The following ADGRE5 variants were observed in gnomAD, a reference collection of about 807,000 sequenced individuals.
ADGRE5 encodes CD97 molecule.
ADGRE5 carries 72 observed loss-of-function variants against 100.3 expected under a neutral mutation model. That is an observed-to-expected ratio of 0.72 (90% CI 0.59 to 0.87). The LOEUF is 0.87. ADGRE5 is among the 40% of genes least tolerant of loss of function. The pLI is 0.00. For missense variants in ADGRE5, 959 were observed against 1,094.7 expected (o/e 0.88, Z 1.75); for synonymous variants, 439 against 447.8 (o/e 0.98, Z 0.25).
intron 4 of ADGRE5, among the ~76,000 whole-genome samples, chr19:14,394,216 A>G (rs1225928373): frequency 6.6e-6 from 1 of 152,162 alleles, no homozygotes; most frequent in African/African-American, 2.4e-5. Flanking sequence ...ACGGACATCA[A>G]AGCAGGTGAT....
intron 13 of ADGRE5, 129 bp downstream of exon 13, chr19:14,404,691 G>T: frequency 1.2e-6 from 1 of 840,506 alleles, no homozygotes; most frequent in Non-Finnish European, 1.8e-6. Flanking sequence ...CAGCCCAGGT[G>T]TCCCCACGTC....
chr19:14,396,628 G>A (rs1323760066), intron 5 of ADGRE5, among the ~76,000 whole-genome samples, 155 bp downstream of exon 5: 1 of 152,246 alleles, frequency 6.6e-6, no homozygotes, highest in African/African-American at 2.4e-5. Flanking sequence ...CACCTCCCAG[G>A]AAGGTCCTGC....
chr19:14,407,388 G>A lies in ADGRE5; in HGVS notation c.2376+159G>A, dbSNP rs189885418. ...AATTCAAAGATAGCCAGGGTGAGGC[G>A]CCTGTAATCCCAACAGTTTGGGAGG... On this transcript the variant is annotated intron_variant, in intron 18 of 19. Transcript: ENST00000242786. 1.5e-3 allele frequency among the ~76,000 whole-genome samples: 230 copies of A among 152,226 alleles called. 1 individual carries two copies. The highest frequency in any genetic ancestry group is 2.7e-3 in the Non-Finnish European group (185 of 68,014).
intron 1 of ADGRE5, among the ~76,000 whole-genome samples, chr19:14,387,183 A>T (rs780210410): frequency 2.0e-5 from 3 of 152,120 alleles, no homozygotes; most frequent in Non-Finnish European, 4.4e-5. Context: ...AGAGAGGCCC[A>T]CTGTCTGGGA....
intron 1 of ADGRE5, among the ~76,000 whole-genome samples, chr19:14,386,790 G>A (rs1458160431): frequency 6.6e-6 from 1 of 151,542 alleles, no homozygotes; most frequent in East Asian, 1.9e-4. Context: ...AAGGCGGGAG[G>A]ATCACTTGAG....
chr19:14,407,268 C>T (rs749306646), intron 18 of ADGRE5, 39 bp downstream of exon 18: 90 of 1,610,050 alleles, frequency 5.6e-5, no homozygotes, highest in Non-Finnish European at 6.7e-5. Flanking sequence ...CTGTCATCCT[C>T]CCACCTATTT....
intron 9 of ADGRE5, 115 bp downstream of exon 9, chr19:14,398,254 T>C: frequency 1.2e-6 from 1 of 867,216 alleles, no homozygotes; most frequent in Non-Finnish European, 1.9e-6. Flanking sequence ...GAGACACACA[T>C]GCGCATAACA....
At chr19:14,389,143 C>CTGGGAG in intron 3 of ADGRE5, among the ~76,000 whole-genome samples, 1 of 61,922 alleles carries the variant, frequency 1.6e-5, no homozygotes, top group East Asian at 7.5e-4. Flanking sequence ...GATCGTGTCT[C>CTGGGAG]AGGGAGAGGG....
chr19:14,393,605 A>T (rs1975675953), intron 4 of ADGRE5, among the ~76,000 whole-genome samples: 1 of 152,170 alleles, frequency 6.6e-6, no homozygotes, highest in Non-Finnish European at 1.5e-5. Flanking sequence ...GGAGGTGATG[A>T]GACTCAAGAC....
At chr19:14,389,802 C>T (rs891043443) in intron 3 of ADGRE5, among the ~76,000 whole-genome samples, 12 of 150,294 alleles carry the variant, frequency 8.0e-5, no homozygotes, top group South Asian at 4.2e-4. Flanking sequence ...GGCATGGTGG[C>T]TTACGCCTGT....
intron 18 of ADGRE5, among the ~76,000 whole-genome samples, chr19:14,407,697 G>T (rs887053958): frequency 2.6e-5 from 4 of 151,946 alleles, no homozygotes; most frequent in African/African-American, 9.7e-5. Flanking sequence ...CAGGAGGCTG[G>T]GGCAAGAGGA....
chr19:14,388,930 A>G (rs1175691121), intron 3 of ADGRE5, 112 bp downstream of exon 3: 5 of 1,019,414 alleles, frequency 4.9e-6, no homozygotes, highest in African/African-American at 1.6e-5. Flanking sequence ...CCAGACTATC[A>G]TCATGGCCAG....
In ADGRE5 at chr19:14,408,139, C is replaced by T. The variant is rs141162124; in HGVS notation, c.*18C>T. On this transcript the variant is annotated 3_prime_UTR_variant, in exon 20 of 20. Coordinates refer to ENST00000242786, the MANE Select transcript of ADGRE5 (RefSeq NM_078481.4). Reference sequence around the variant, plus strand: ...GCATATGAAGGCGCATGGTTCTGGACGGCCCAGCAGCTCCTGTGGCCACAG... The same window carrying T: ...GCATATGAAGGCGCATGGTTCTGGATGGCCCAGCAGCTCCTGTGGCCACAG... 1,097 of 1,612,116 alleles carry T rather than the reference C, an allele frequency of 6.8e-4. 1 individual carries two copies. The highest frequency in any genetic ancestry group is 3.0e-3 in the African/African-American group (224 of 75,000).
chr19:14,381,553 C>T lies in ADGRE5; in HGVS notation c.22+8C>T, dbSNP rs1975155418. On this transcript the variant is annotated splice_region_variant and intron_variant, in intron 1 of 19. Coordinates refer to ENST00000242786, the MANE Select transcript of ADGRE5 (RefSeq NM_078481.4). ...GAGGCCGCGTCTTTCTCGGTAAGTA[C>T]TTTGGGGCCCCGCTGGGAGGGGCGA... 1.9e-6 allele frequency: 3 copies of T among 1,601,988 alleles called. No individual in the cohort carries two copies. Among genetic ancestry groups the T allele is most frequent in the Non-Finnish European group, 2.5e-6 (3 of 1,176,812 alleles).
In ADGRE5 at chr19:14,401,099, G is replaced by A. The variant is rs1975989813; in HGVS notation, c.898-287G>A. On this transcript the variant is annotated intron_variant, in intron 9 of 19. Transcript: ENST00000242786. The surrounding 1 kb of genome is among the most constrained non-coding windows in gnomAD (Gnocchi z 4.1). ...ATTATGCCACTGCACTCAAGCCTGG[G>A]CAACAGACTGAGACCCTGTCTCAAA... 6.6e-6 allele frequency among the ~76,000 whole-genome samples: 1 copy of A among 152,140 alleles called. No individual in the cohort carries two copies. Among genetic ancestry groups the A allele is most frequent in the South Asian group, 2.1e-4 (1 of 4,830 alleles).
At position 14,397,096 on chromosome 19, in the gene ADGRE5, C is replaced by A. The variant is rs771227562; in HGVS notation, c.498C>A (p.Ser166=). 6.2e-7 allele frequency: 1 copy of A among 1,614,008 alleles called. No homozygotes were observed. The highest frequency in any genetic ancestry group is 1.1e-5 in the South Asian group (1 of 91,056). ...CCTCAGATGTGAATGAATGCACCTC[C>A]GGACAAAACCCGTGCCACAGCTCCA... is the stretch of plus-strand genomic sequence containing the variant. ...KVCTDVNECT[S]GQNPCHSSTH... Residue 166 remains serine, a synonymous_variant, in exon 6 of 20, where the codon TCC becomes TCA. Transcript: ENST00000242786.
rs146163766 is a variant in ADGRE5 at position 14,405,227 on chromosome 19, C to T, written c.1630-521C>T. 1,133 of 153,970 alleles carry T rather than the reference C, an allele frequency of 7.4e-3. 7 individuals carry two copies. Among genetic ancestry groups the T allele is most frequent in the Non-Finnish European group, 0.013 (909 of 69,078 alleles). 9.5% of individuals were successfully genotyped at this position (153,970 alleles called of 1,614,324 possible). A position where few individuals can be genotyped will look rare whatever the true frequency, so the allele number is the denominator to read the frequency against. The stretch of plus-strand genomic sequence containing the variant: ...AGTGTGATCTTGGCTCACTGCAACC[C>T]CCGCCTCCGGATTCAAGCGATTCTC... On this transcript the variant is annotated intron_variant, in intron 13 of 19. Coordinates refer to ENST00000242786, the MANE Select transcript of ADGRE5 (RefSeq NM_078481.4).
At position 14,381,463 on chromosome 19, in the gene ADGRE5, A is replaced by T; in HGVS notation, c.-61A>T. The T allele has an allele frequency of 5.0e-6, 8 of 1,603,232 alleles. No homozygotes were observed. Among genetic ancestry groups the T allele is most frequent in the Non-Finnish European group, 6.8e-6 (8 of 1,175,430 alleles). ...GCCTGCACAGCTGCCTAGCCTGTGGAGACGGGACAGCCCTGTCCCACTCAC... is the reference window on the plus strand; with the variant it reads ...GCCTGCACAGCTGCCTAGCCTGTGGTGACGGGACAGCCCTGTCCCACTCAC... On this transcript the variant is annotated 5_prime_UTR_variant, in exon 1 of 20. Coordinates refer to ENST00000242786, the MANE Select transcript of ADGRE5 (RefSeq NM_078481.4).
At position 14,391,009 on chromosome 19, in the gene ADGRE5, G is replaced by T. The variant is rs768393463; in HGVS notation, c.276G>T (p.Val92=). 3 of 1,614,228 alleles carry T rather than the reference G, an allele frequency of 1.9e-6. No individual in the cohort carries two copies. In the South Asian group the frequency reaches 3.3e-5, roughly 18 times the overall value. The part of the protein sequence containing the change: ...CWNTEGSYDC[V]CSPGYEPVSG... ...ACACAGAGGGGAGCTACGACTGCGT[G>T]TGCAGCCCGGGATATGAGCCTGTTT... The change falls in exon 4 of 20, where the codon GTG becomes GTT. Residue 92 remains valine, a synonymous_variant. Transcript: ENST00000242786.
Sources: gnomAD v4.1 joint callset for allele counts (sites outside exome capture counted in the v4.1 genomes callset) on GRCh38, gnomAD v4.1.1 for gene constraint, Gnocchi (gnomAD v3.1) non-coding constraint, MANE v1.5 for transcripts, NCBI Gene and HGNC (gene_info 2026-07-23, HGNC 2026-07-21) for gene names.